Variants in EBF1 observed in about 807,000 individuals in gnomAD.
EBF1 encodes the protein EBF transcription factor 1, also known as transcription factor COE1.
In EBF1, 10 loss-of-function variants were observed where a neutral mutation model predicts 68.4. The ratio of observed to expected loss-of-function variants is 0.15; its 90% CI spans 0.09 to 0.25. The LOEUF (loss-of-function observed/expected upper bound fraction) is 0.25, where lower values mean the gene tolerates loss of function less well. EBF1 is among the 10% of genes least tolerant of loss of function. EBF1 has a pLI of 1.00. For missense variants in EBF1, 509 were observed against 794.4 expected, an observed-to-expected ratio of 0.64 and a Z score of 4.32; for synonymous variants, 298 against 299.8, an observed-to-expected ratio of 0.99 and a Z score of 0.06.
Position 159,096,975 on chromosome 5 carries a change from T to G in EBF1, c.290A>C (p.Lys97Thr). Residue 97 changes from lysine (K) to threonine (T), a missense_variant and splice_region_variant, in exon 2 of 16, where the codon AAA becomes ACA. Lys to Thr is a moderately conservative substitution (Grantham distance 78). Around this residue, in one of 3 missense-constraint regions of EBF1, gnomAD observed 230 missense variants for 467.7 expected, o/e 0.49. Transcript: ENST00000313708. The stretch of plus-strand genomic sequence containing the variant: ...GGCGACAGCGCTGCGCCCACTTACT[T>G]TTTCCTTCTCCACGAACCCCACAAA... The part of the protein sequence containing the change: ...TAFVGFVEKE[K>T]EANSEKTNNG... The G allele has an allele frequency of 6.2e-7, 1 of 1,613,670 alleles. No homozygotes were observed. Among genetic ancestry groups the G allele is most frequent in the Non-Finnish European group, 8.5e-7 (1 of 1,179,926 alleles).
intron 10 of EBF1, among the ~76,000 whole-genome samples, chr5:158,768,799 T>G (rs1326758158): frequency 6.6e-6 from 1 of 152,158 alleles, no homozygotes; most frequent in East Asian, 1.9e-4. Context: ...TTCCACAATA[T>G]TTGAGAAAAT....
Position 158,823,325 on chromosome 5 carries a change from C to A in EBF1, c.637-8G>T. The A allele has an allele frequency of 6.3e-7, 1 of 1,596,684 alleles. No individual in the cohort carries two copies. The highest frequency in any genetic ancestry group is 1.8e-5 in the Admixed American group (1 of 56,832). On this transcript the variant is annotated splice_polypyrimidine_tract_variant and splice_region_variant and intron_variant, in intron 7 of 15. Transcript: ENST00000313708. ...TGTCGTAGACACCACGACCTGGAGA[C>A]ATAAGAAAGAAATGAATGAACATTT... is the stretch of plus-strand genomic sequence containing the variant.
chr5:158,771,636 G>A (rs1773904415), intron 10 of EBF1, among the ~76,000 whole-genome samples: 1 of 152,082 alleles, frequency 6.6e-6, no homozygotes. Context: ...TTTATGATTT[G>A]TCTACCTATG....
chr5:159,082,750 G>A (rs552053601), intron 5 of EBF1, among the ~76,000 whole-genome samples: 69 of 152,300 alleles, frequency 4.5e-4, no homozygotes, highest in African/African-American at 1.4e-3. Flanking sequence ...AGGAAAACCC[G>A]TAATCTGTAA....
intron 6 of EBF1, among the ~76,000 whole-genome samples, chr5:159,056,788 C>A (rs763924519): frequency 6.6e-6 from 1 of 152,046 alleles, no homozygotes; most frequent in African/African-American, 2.4e-5. Context: ...AAATTGCCAA[C>A]GTCAATATTT....
chr5:158,788,178 G>C (rs1777846172), intron 9 of EBF1, among the ~76,000 whole-genome samples: 2 of 152,128 alleles, frequency 1.3e-5, no homozygotes, highest in Admixed American at 1.3e-4. Flanking sequence ...CTTAAATCAG[G>C]ATAATTAAAG....
chr5:158,839,598 G>GT (rs1562082755), intron 7 of EBF1, among the ~76,000 whole-genome samples: 3 of 152,056 alleles, frequency 2.0e-5, no homozygotes, highest in African/African-American at 7.3e-5. Flanking sequence ...GGCCAGGCTG[G>GT]TCTTGAACTC....
At chr5:158,814,490 T>C (rs111887140) in intron 8 of EBF1, among the ~76,000 whole-genome samples, 76 of 152,334 alleles carry the variant, frequency 5.0e-4, no homozygotes, top group African/African-American at 1.8e-3. Context: ...TGTGACTCAC[T>C]CATTTATTAG....
Position 158,869,578 on chromosome 5 carries a change from AACACACACACACAC to A in EBF1, c.555-29482_555-29469del, listed in dbSNP as rs3035120. On this transcript the variant is annotated intron_variant, in intron 6 of 15. Coordinates refer to ENST00000313708, the MANE Select transcript of EBF1 (RefSeq NM_024007.5). ...TCCCTAATTGGCCCAGATCCTAATA[AACACACACACACAC>A]ACACACACACACACACACACACACA... Among the ~76,000 whole-genome samples, 58 of 145,286 alleles carry A rather than the reference AACACACACACACAC, an allele frequency of 4.0e-4. No homozygotes were observed. The East Asian group carries it at 4.1e-3, about 10-fold the overall frequency.
At chr5:158,784,018 C>T (rs954694373) in intron 9 of EBF1, among the ~76,000 whole-genome samples, 1 of 152,046 alleles carries the variant, frequency 6.6e-6, no homozygotes, top group Non-Finnish European at 1.5e-5. Flanking sequence ...TGTAGAATTC[C>T]GCAGCTTTTA....
intron 8 of EBF1, among the ~76,000 whole-genome samples, chr5:158,815,122 A>G (rs955079670): frequency 2.6e-5 from 4 of 152,202 alleles, no homozygotes; most frequent in African/African-American, 9.6e-5. Flanking sequence ...TTCAGCATCA[A>G]GCTTCCTGGA....
intron 6 of EBF1, among the ~76,000 whole-genome samples, chr5:158,861,753 C>T (rs2128033004): frequency 6.6e-6 from 1 of 152,012 alleles, no homozygotes; most frequent in Admixed American, 6.6e-5. Flanking sequence ...GGTTATGTGG[C>T]ATCTTACATA....
At chr5:158,754,508 T>G (rs764758040) in intron 10 of EBF1, among the ~76,000 whole-genome samples, 2 of 152,126 alleles carry the variant, frequency 1.3e-5, no homozygotes, top group Non-Finnish European at 2.9e-5. Context: ...AACATAAGAA[T>G]CCACACAAGG....
chr5:159,012,279 CTG>C (rs1189333037), intron 6 of EBF1, among the ~76,000 whole-genome samples: 3 of 148,976 alleles, frequency 2.0e-5, no homozygotes, highest in Non-Finnish European at 4.4e-5. Context: ...GAGACAGACT[CTG>C]TCTCAAAAAA....
At chr5:159,053,261 TAAG>T (rs1259343357) in intron 6 of EBF1, among the ~76,000 whole-genome samples, 1 of 151,988 alleles carries the variant, frequency 6.6e-6, no homozygotes, top group African/African-American at 2.4e-5. Context: ...ATGGGAGAAA[TAAG>T]AATACTCAGC....
intron 6 of EBF1, chr5:159,019,207 T>C (rs988115786): frequency 6.6e-6 from 1 of 152,244 alleles, no homozygotes; most frequent in Non-Finnish European, 1.5e-5. Flanking sequence ...CAAGACTCCA[T>C]GAGAAAGCCC....
chr5:159,074,116 C>G (rs1033628594), intron 5 of EBF1, among the ~76,000 whole-genome samples: 5 of 152,130 alleles, frequency 3.3e-5, no homozygotes, highest in Admixed American at 6.5e-5. Flanking sequence ...TGTTCTGACC[C>G]TCACTTAAGT....
At chr5:158,877,325 A>T (rs1046833223) in intron 6 of EBF1, among the ~76,000 whole-genome samples, 1 of 152,208 alleles carries the variant, frequency 6.6e-6, no homozygotes, top group African/African-American at 2.4e-5. Flanking sequence ...TTATTTCGAC[A>T]GCCATGTTTA....
At chr5:159,099,204 G>A (rs992526343) in intron 1 of EBF1, 141 bp downstream of exon 1, 4 of 571,362 alleles carry the variant, frequency 7.0e-6, no homozygotes, top group South Asian at 8.2e-5. Flanking sequence ...GCGGAGCCCC[G>A]GCGGAGAGCG....
Sources: gnomAD v4.1 joint callset for allele counts (sites outside exome capture counted in the v4.1 genomes callset) on GRCh38, gnomAD v4.1.1 for gene constraint, gnomAD v4.1.1 regional missense constraint, MANE v1.5 for transcripts, NCBI Gene and HGNC (gene_info 2026-07-23, HGNC 2026-07-21) for gene names.